Variants in RELN observed in about 807,000 individuals in gnomAD.
RELN encodes the protein reelin.
A neutral mutation model predicts 427.6 loss-of-function variants in RELN; 108 were observed. That is an observed-to-expected ratio of 0.25 (90% CI 0.22 to 0.30). RELN has a LOEUF of 0.30. Among genes scored for constraint, RELN ranks in the 10% least tolerant of loss-of-function variants. The probability of loss-of-function intolerance (pLI) is 1.00; values close to 1 mark genes in which losing one functional copy is unlikely to be tolerated. For synonymous variants in RELN, 1,524 were observed against 1,513.4 expected (o/e 1.01, Z -0.16); for missense variants, 3,715 against 4,302.8 (o/e 0.86, Z 3.82).
At chr7:103,802,207 A>G (rs1792484325) in intron 3 of RELN, among the ~76,000 whole-genome samples, 1 of 152,224 alleles carries the variant, frequency 6.6e-6, no homozygotes, top group African/African-American at 2.4e-5. Flanking sequence ...ACAATCTTAT[A>G]GCCCTCAAAA....
intron 4 of RELN, among the ~76,000 whole-genome samples, chr7:103,762,748 C>T (rs1023944108): frequency 6.6e-6 from 1 of 152,144 alleles, no homozygotes; most frequent in Non-Finnish European, 1.5e-5. Context: ...TCATCTTCTT[C>T]CTTCACTTTT....
intron 2 of RELN, among the ~76,000 whole-genome samples, chr7:103,900,235 A>C (rs1345038127): frequency 1.3e-5 from 2 of 152,194 alleles, no homozygotes; most frequent in Non-Finnish European, 2.9e-5. Context: ...AATACAACTT[A>C]GAAGATATGT....
intron 2 of RELN, among the ~76,000 whole-genome samples, chr7:103,906,265 C>T (rs1795201919): frequency 6.6e-6 from 1 of 152,102 alleles, no homozygotes; most frequent in Non-Finnish European, 1.5e-5. Flanking sequence ...TGAATTACAG[C>T]TCTGCAACTC....
In RELN at chr7:103,660,012, G is replaced by GATTAATA. The variant is rs1833104098; in HGVS notation, c.1441+1357_1441+1363dup. Among the ~76,000 whole-genome samples, 3 of 151,880 alleles carry GATTAATA rather than the reference G, an allele frequency of 2.0e-5. No homozygotes were observed. In the South Asian group the frequency reaches 6.2e-4, roughly 32 times the overall value. ...CATAGTAATACTGTTTTAATTCATT[G>GATTAATA]ATTAATAATATGCTTTGTTCCAGAA... is the stretch of plus-strand genomic sequence containing the variant. On this transcript the variant is annotated intron_variant, in intron 12 of 64. Transcript: ENST00000428762.
At chr7:103,925,510 T>A (rs1376542925) in intron 1 of RELN, among the ~76,000 whole-genome samples, 3 of 152,166 alleles carry the variant, frequency 2.0e-5, no homozygotes, top group African/African-American at 4.8e-5. Flanking sequence ...TACTTTTATA[T>A]GAGGCTGGAT....
At position 103,495,735 on chromosome 7, in the gene RELN, C is replaced by T. The variant is rs1828820583; in HGVS notation, c.9357G>A (p.Met3119Ile). 1.2e-6 allele frequency: 2 copies of T among 1,613,904 alleles called. No individual in the cohort carries two copies. The highest frequency in any genetic ancestry group is 1.3e-5 in the African/African-American group (1 of 74,896). Residue 3119 changes from methionine to isoleucine, a missense_variant, in exon 57 of 65, where the codon ATG becomes ATA. Around this residue, in one of 4 missense-constraint regions of RELN, gnomAD observed 1,310 missense variants for 1,643.0 expected, o/e 0.80. Coordinates refer to ENST00000428762, the MANE Select transcript of RELN (RefSeq NM_005045.4). Reference protein sequence around the residue: ...SRELIIQPGYMMQFKIVVGCE... With the variant: ...SRELIIQPGYIMQFKIVVGCE... ...CACTTTTCCTTACTTTAAACTGCATCATGTATCCTGGCTGTATAATGAGTT... is the reference window on the plus strand; with the variant it reads ...CACTTTTCCTTACTTTAAACTGCATTATGTATCCTGGCTGTATAATGAGTT...
rs750365513 is a variant in RELN, at chr7:103,486,187, G to A, written c.9983+10C>T. 1.9e-6 allele frequency: 3 copies of A among 1,611,998 alleles called. No individual in the cohort carries two copies. Among genetic ancestry groups the A allele is most frequent in the Admixed American group, 1.7e-5 (1 of 59,996 alleles). ...TCTATGTCTGGACTAAAATATGGAG[G>A]TTTGGGTACCTTGCTCGAGTGAGAT... On this transcript the variant is annotated intron_variant, in intron 61 of 64. Transcript: ENST00000428762.
rs60678229 is a variant in RELN, at chr7:103,677,765, C to CAAAA, written c.1289+4347_1289+4350dup. On this transcript the variant is annotated intron_variant, in intron 11 of 64. Transcript: ENST00000428762. ...TGGGCGACAGAGTGAGAATCTGTCT[C>CAAAA]AAAAAAAAAAAAAAAAAAAAAAAAA... 5.0e-4 allele frequency among the ~76,000 whole-genome samples: 28 copies of CAAAA among 56,012 alleles called. 1 individual carries two copies. The highest frequency in any genetic ancestry group is 1.1e-3 in the South Asian group (1 of 900). The allele number at this position is 56,012 out of a possible 152,430, so 36.7% of individuals were successfully genotyped here.
In RELN at chr7:103,904,237, T is replaced by C. The variant is rs146307332; in HGVS notation, c.337+12838A>G. ...TCCATAGTGTATATGTACCACATTTTCCTTATCTAGTCTATCACTGATGGG... is the reference window on the plus strand; with the variant it reads ...TCCATAGTGTATATGTACCACATTTCCCTTATCTAGTCTATCACTGATGGG... On this transcript the variant is annotated intron_variant, in intron 2 of 64. Transcript: ENST00000428762. Among the ~76,000 whole-genome samples the C allele has an allele frequency of 4.0e-3, 611 of 152,300 alleles. 3 individuals carry two copies. The highest frequency in any genetic ancestry group is 0.014 in the African/African-American group (588 of 41,564).
At chr7:103,536,895 C>T (rs2237627) in intron 45 of RELN, among the ~76,000 whole-genome samples, 97,875 of 152,028 alleles carry the variant, frequency 0.64, 32,153 homozygotes, top group Middle Eastern at 0.74. Context: ...ATGCTGGGTG[C>T]GCTGTGATGA....
chr7:103,892,452 T>C (rs1226456312), intron 2 of RELN, among the ~76,000 whole-genome samples: 3 of 152,170 alleles, frequency 2.0e-5, no homozygotes, highest in Non-Finnish European at 4.4e-5. Context: ...GTGTTACACA[T>C]TAGTACTTTT....
chr7:103,989,231 G>A lies in RELN; in HGVS notation c.126C>T (p.His42=), dbSNP rs1332446482. The A allele has an allele frequency of 3.1e-6, 5 of 1,614,064 alleles. No homozygotes were observed. The African/African-American group carries it at 6.7e-5, about 22-fold the overall frequency. Residue 42 remains histidine, a synonymous_variant, in exon 1 of 65, where the codon CAC becomes CAT. Coordinates refer to ENST00000428762, the MANE Select transcript of RELN (RefSeq NM_005045.4). The surrounding 1 kb of genome is among the most constrained non-coding windows in gnomAD (Gnocchi z 4.9). ...CCCCATCCCCTTCCAGCTCCCCGTG[G>A]TGGGTGCACAGGAAAAAGAAGGGCG... The part of the protein sequence containing the change: ...RFSPFFFLCT[H]HGELEGDGEQ...
Position 103,553,746 on chromosome 7 carries a change from A to G in RELN, c.5883T>C (p.Phe1961=). Residue 1961 remains phenylalanine (F), a synonymous_variant, in exon 39 of 65, where the codon TTT becomes TTC. Transcript: ENST00000428762. ...VNNPVMLLDT[F]DFGPREDNWF... ...AATTGTCTTCTCTGGGCCCAAAATC[A>G]AATGTATCCAAGAGCATCACAGGGT... 1 of 1,614,034 alleles carries G rather than the reference A, an allele frequency of 6.2e-7. No individual in the cohort carries two copies.
At chr7:103,711,998 C>T (rs1789813383) in intron 8 of RELN, among the ~76,000 whole-genome samples, 1 of 152,206 alleles carries the variant, frequency 6.6e-6, no homozygotes, top group South Asian at 2.1e-4. Context: ...ATGAAGCCTA[C>T]ATTGACCCTC....
chr7:103,803,253 G>T (rs1792513730), intron 3 of RELN, among the ~76,000 whole-genome samples: 1 of 152,068 alleles, frequency 6.6e-6, no homozygotes, highest in Non-Finnish European at 1.5e-5. Flanking sequence ...TTTCACTAAA[G>T]ACATTAATCT....
intron 1 of RELN, among the ~76,000 whole-genome samples, chr7:103,936,040 C>T (rs1477554852): frequency 6.6e-6 from 1 of 151,958 alleles, no homozygotes; most frequent in Non-Finnish European, 1.5e-5. Flanking sequence ...ATTCAAATCT[C>T]AAGTCTGTTT....
At position 103,927,197 on chromosome 7, in the gene RELN, C is replaced by T. The variant is rs80123193; in HGVS notation, c.227-10012G>A. 2.0e-3 allele frequency among the ~76,000 whole-genome samples: 310 copies of T among 152,110 alleles called. 5 individuals carry two copies. The East Asian group carries it at 0.048, about 23-fold the overall frequency. On this transcript the variant is annotated intron_variant, in intron 1 of 64. Transcript: ENST00000428762. ...GTGTGAGACTATGTGTGTATTGTTC[C>T]GCTTATTCATTTATTAAGCAAATAT... is the stretch of plus-strand genomic sequence containing the variant.
rs2117255059 is a variant in RELN at position 103,596,548 on chromosome 7, T to C, written c.3447A>G (p.Arg1149=). ...ESASCNKPDS[R]EEGVLLQYSN... is the part of the protein sequence containing the mutation. ...TGTACTGAAGGAGGACGCCCTCCTC[T>C]CTGCTGTCAGGCTTGTTGCATGAAG... Residue 1149 remains arginine (R), a synonymous_variant, in exon 25 of 65, where the codon AGA becomes AGG. Transcript: ENST00000428762. 1 of 1,613,948 alleles carries C rather than the reference T, an allele frequency of 6.2e-7. No individual in the cohort carries two copies. The highest frequency in any genetic ancestry group is 8.5e-7 in the Non-Finnish European group (1 of 1,179,812).
At chr7:103,909,727 AT>A (rs1389495321) in intron 2 of RELN, among the ~76,000 whole-genome samples, 363 of 26,308 alleles carry the variant, frequency 0.014, 38 homozygotes, top group Admixed American at 0.11. Flanking sequence ...TATTAAATAT[AT>A]TTTTTAATAT....
Sources: gnomAD v4.1 joint callset for allele counts (sites outside exome capture counted in the v4.1 genomes callset) on GRCh38, gnomAD v4.1.1 for gene constraint, gnomAD v4.1.1 regional missense constraint, Gnocchi (gnomAD v3.1) non-coding constraint, MANE v1.5 for transcripts, NCBI Gene and HGNC (gene_info 2026-07-23, HGNC 2026-07-21) for gene names.